The following KALRN variants were observed in gnomAD, a reference collection of about 807,000 sequenced individuals.
KALRN encodes the protein kalirin.
In KALRN, 70 loss-of-function variants were observed where a neutral mutation model predicts 353.7. That is an observed-to-expected ratio of 0.20 (90% CI 0.16 to 0.24). The LOEUF is 0.24. Among genes scored for constraint, KALRN ranks in the 10% least tolerant of loss-of-function variants. The pLI, the probability that KALRN is intolerant of heterozygous loss-of-function variation, is 1.00. For missense variants in KALRN, 2,791 were observed against 3,756.7 expected, an observed-to-expected ratio of 0.74 and a Z score of 6.72; for synonymous variants, 1,391 against 1,434.8, an observed-to-expected ratio of 0.97 and a Z score of 0.69.
chr3:124,208,513 T>C (rs2076615902), intron 1 of KALRN, among the ~76,000 whole-genome samples: 1 of 152,186 alleles, frequency 6.6e-6, no homozygotes, highest in South Asian at 2.1e-4. Flanking sequence ...TAAAGTGAGC[T>C]TGTGAACAGT....
At chr3:124,051,773 G>A (rs899989971) in intron 1 of KALRN, among the ~76,000 whole-genome samples, 1 of 152,242 alleles carries the variant, frequency 6.6e-6, no homozygotes, top group Non-Finnish European at 1.5e-5. Context: ...TGTCCCCTGT[G>A]AAGGGAGGAG....
intron 1 of KALRN, among the ~76,000 whole-genome samples, chr3:124,138,443 T>G (rs1419883861): frequency 6.6e-6 from 1 of 152,164 alleles, no homozygotes; most frequent in Non-Finnish European, 1.5e-5. Context: ...TGGGTTCTGG[T>G]GCTCAGAATA....
intron 34 of KALRN, among the ~76,000 whole-genome samples, chr3:124,583,511 C>T (rs34455219): frequency 2.0e-5 from 3 of 151,846 alleles, no homozygotes; most frequent in African/African-American, 7.3e-5. Flanking sequence ...CATATTGGGC[C>T]GAGGGGATGG....
At chr3:124,264,062 T>C (rs979485356) in intron 3 of KALRN, among the ~76,000 whole-genome samples, 6 of 152,128 alleles carry the variant, frequency 3.9e-5, no homozygotes, top group Admixed American at 3.3e-4. Context: ...TTGGATTTTT[T>C]TTTTTTTTTT....
At chr3:124,134,985 A>G (rs888790039) in intron 1 of KALRN, among the ~76,000 whole-genome samples, 3 of 152,218 alleles carry the variant, frequency 2.0e-5, no homozygotes, top group Non-Finnish European at 4.4e-5. Flanking sequence ...TTAAGGAACT[A>G]AAAGTGGAAC....
chr3:124,445,147 C>A (rs757713090), intron 19 of KALRN, among the ~76,000 whole-genome samples: 2 of 152,168 alleles, frequency 1.3e-5, no homozygotes, highest in African/African-American at 4.8e-5. Flanking sequence ...ACCTTCCCTA[C>A]GCTTTCTCAA....
chr3:124,338,946 C>A (rs933368088), intron 9 of KALRN, among the ~76,000 whole-genome samples: 2 of 152,058 alleles, frequency 1.3e-5, no homozygotes, highest in African/African-American at 4.8e-5. Context: ...ATACTTGGAC[C>A]CCTGCATTAA....
chr3:124,211,556 AG>A, intron 1 of KALRN, among the ~76,000 whole-genome samples: 1 of 152,296 alleles, frequency 6.6e-6, no homozygotes, highest in African/African-American at 2.4e-5. Flanking sequence ...CACAGGTAAA[AG>A]GTACAGGCCC....
intron 34 of KALRN, among the ~76,000 whole-genome samples, chr3:124,572,070 C>A (rs1487065599): frequency 1.3e-5 from 2 of 151,434 alleles, no homozygotes; most frequent in African/African-American, 4.9e-5. Context: ...CATCTTTAAC[C>A]CCAGCACTTT....
intron 33 of KALRN, among the ~76,000 whole-genome samples, chr3:124,502,139 A>T (rs2064650685): frequency 6.6e-6 from 1 of 152,178 alleles, no homozygotes; most frequent in South Asian, 2.1e-4. Flanking sequence ...ACAAAACAAA[A>T]ACAGAATAGG....
At chr3:124,557,111 C>T (rs1424173187) in intron 33 of KALRN, among the ~76,000 whole-genome samples, 1 of 152,108 alleles carries the variant, frequency 6.6e-6, no homozygotes, top group Non-Finnish European at 1.5e-5. Flanking sequence ...AAGGGTTACA[C>T]ATGCAGTTTT....
intron 36 of KALRN, 59 bp downstream of exon 36, chr3:124,634,012 T>C: frequency 7.6e-7 from 1 of 1,308,176 alleles, no homozygotes; most frequent in South Asian, 1.2e-5. Flanking sequence ...ATTTTGTTTT[T>C]TGTGTGTGAT....
At chr3:124,083,872 T>C (rs1243235349) in intron 1 of KALRN, among the ~76,000 whole-genome samples, 2 of 152,226 alleles carry the variant, frequency 1.3e-5, no homozygotes, top group Non-Finnish European at 2.9e-5. Flanking sequence ...AATTGTTGAC[T>C]CTGTCTTTGT....
intron 33 of KALRN, among the ~76,000 whole-genome samples, chr3:124,544,642 A>G (rs1027147237): frequency 4.6e-5 from 7 of 152,198 alleles, no homozygotes; most frequent in Non-Finnish European, 8.8e-5. Flanking sequence ...CTATATAGAT[A>G]TAGATATAGA....
At chr3:124,666,685 G>T in intron 46 of KALRN, 51 bp downstream of exon 46, 1 of 1,487,944 alleles carries the variant, frequency 6.7e-7, no homozygotes. Context: ...CCAGTTCTTG[G>T]GAGCTGCTTC....
At chr3:124,622,188 G>GCAAGA (rs10636814) in intron 34 of KALRN, among the ~76,000 whole-genome samples, 109,650 of 151,666 alleles carry the variant, frequency 0.72, 40,257 homozygotes, top group East Asian at 0.87. Flanking sequence ...TGGAGCTAAA[G>GCAAGA]CAAAAGAACA....
intron 10 of KALRN, among the ~76,000 whole-genome samples, chr3:124,382,456 T>C (rs1487453127): frequency 6.6e-6 from 1 of 152,150 alleles, no homozygotes; most frequent in Admixed American, 6.6e-5. Context: ...CAATATTGGG[T>C]ATGTATTATA....
At chr3:124,612,812 T>C (rs1232753378) in intron 34 of KALRN, among the ~76,000 whole-genome samples, 1 of 152,186 alleles carries the variant, frequency 6.6e-6, no homozygotes, top group African/African-American at 2.4e-5. Flanking sequence ...TCCTGGCATA[T>C]AGGAAGCACT....
At chr3:124,396,845 C>T (rs1244384893) in intron 12 of KALRN, among the ~76,000 whole-genome samples, 1 of 152,208 alleles carries the variant, frequency 6.6e-6, no homozygotes, top group Non-Finnish European at 1.5e-5. Flanking sequence ...TGACCAAGAG[C>T]CACTGGCGAC....
Sources: allele counts gnomAD v4.1 joint callset (sites outside exome capture counted in the v4.1 genomes callset), GRCh38; gene constraint gnomAD v4.1.1; transcripts MANE v1.5; gene names NCBI Gene and HGNC (gene_info 2026-07-23, HGNC 2026-07-21).